Variants in PRKACB observed in about 807,000 individuals in gnomAD.
PRKACB encodes the protein protein kinase cAMP-activated catalytic subunit beta.
PRKACB carries 16 observed loss-of-function variants against 51.4 expected under a neutral mutation model. The ratio of observed to expected loss-of-function variants is 0.31; its 90% CI spans 0.21 to 0.47. The LOEUF (loss-of-function observed/expected upper bound fraction) is 0.47, where lower values mean the gene tolerates loss of function less well. Among genes scored for constraint, PRKACB ranks in the 20% least tolerant of loss-of-function variants. PRKACB has a pLI of 1.00. For synonymous variants in PRKACB, 147 were observed against 154.4 expected (o/e 0.95, Z 0.35); for missense variants, 309 against 464.5 (o/e 0.67, Z 3.08).
chr1:84,190,257 A>C (rs559652966), intron 5 of PRKACB, among the ~76,000 whole-genome samples: 3 of 152,018 alleles, frequency 2.0e-5, no homozygotes, highest in Admixed American at 6.6e-5. Flanking sequence ...TATGGCCCAG[A>C]CATCTAATAA....
rs113592662 is a variant in PRKACB at position 84,107,000 on chromosome 1, C to CA, written c.46+28632dup. 1.9e-3 allele frequency among the ~76,000 whole-genome samples: 283 copies of CA among 152,016 alleles called. 1 individual carries two copies. Among genetic ancestry groups the CA allele is most frequent in the African/African-American group, 6.5e-3 (270 of 41,508 alleles). ...CAGAAGAGAAAGATAAAAAGGAAAA[C>CA]AAATGAACAAACAAAAAAACCAAAC... On this transcript the variant is annotated intron_variant, in intron 1 of 8. Coordinates refer to the PRKACB transcript ENST00000370688.
At chr1:84,104,471 T>C (rs1186630798) in intron 1 of PRKACB, among the ~76,000 whole-genome samples, 2 of 152,176 alleles carry the variant, frequency 1.3e-5, no homozygotes, top group African/African-American at 4.8e-5. Flanking sequence ...TTCAATATAC[T>C]GATTTCCTTC....
In PRKACB at chr1:84,214,206, G is replaced by A. The variant is rs549575163; in HGVS notation, c.960G>A (p.Leu320=). The A allele has an allele frequency of 9.9e-6, 16 of 1,613,364 alleles. No individual in the cohort carries two copies. Among genetic ancestry groups the A allele is most frequent in the African/African-American group, 9.3e-5 (7 of 74,996 alleles). ...ATCTCAAGGACCTTCTACGGAACCT[G>A]CTGCAGGTGGATTTGACCAAGAGAT... ...SSDLKDLLRN[L]LQVDLTKRFG... Residue 320 remains leucine, a synonymous_variant, in exon 9 of 10, where the codon CTG becomes CTA. Transcript: ENST00000370685.
chr1:84,135,485 C>T (rs1237018983), intron 1 of PRKACB, among the ~76,000 whole-genome samples: 1 of 152,016 alleles, frequency 6.6e-6, no homozygotes, highest in African/African-American at 2.4e-5. Context: ...ACATTTTTTT[C>T]TTCAGCTTAT....
intron 1 of PRKACB, among the ~76,000 whole-genome samples, chr1:84,083,295 T>C (rs933968012): frequency 2.0e-5 from 3 of 152,238 alleles, no homozygotes; most frequent in African/African-American, 7.2e-5. Flanking sequence ...ATTTTGATGA[T>C]AAATACATAT....
At chr1:84,127,355 C>T (rs1405695611) in intron 1 of PRKACB, among the ~76,000 whole-genome samples, 2 of 152,048 alleles carry the variant, frequency 1.3e-5, no homozygotes, top group South Asian at 4.2e-4. Flanking sequence ...ATTACCTATA[C>T]GACATTGAGC....
chr1:84,136,577 G>T (rs1193624979), intron 1 of PRKACB, among the ~76,000 whole-genome samples: 1 of 151,464 alleles, frequency 6.6e-6, no homozygotes, highest in African/African-American at 2.4e-5. Flanking sequence ...CTTTTTCGTT[G>T]CTGGTGGTAA....
intron 1 of PRKACB, among the ~76,000 whole-genome samples, chr1:84,097,891 G>A (rs964951380): frequency 6.6e-6 from 1 of 152,024 alleles, no homozygotes; most frequent in East Asian, 1.9e-4. Flanking sequence ...CATTATTAAG[G>A]TCGGTCTTCT....
chr1:84,086,259 T>A, intron 1 of PRKACB: 1 of 1,476,876 alleles, frequency 6.8e-7, no homozygotes, highest in Non-Finnish European at 9.4e-7. Flanking sequence ...CCTGGTTCCC[T>A]TGCCCCCATG....
At chr1:84,161,453 T>C (rs1035296667) in intron 1 of PRKACB, among the ~76,000 whole-genome samples, 7 of 151,954 alleles carry the variant, frequency 4.6e-5, no homozygotes, top group African/African-American at 1.7e-4. Context: ...CTTCCATTCA[T>C]AGTTAATGTC....
intron 1 of PRKACB, among the ~76,000 whole-genome samples, chr1:84,151,817 A>T (rs2100645332): frequency 6.6e-6 from 1 of 152,288 alleles, no homozygotes; most frequent in African/African-American, 2.4e-5. Flanking sequence ...ATCTGCAGTG[A>T]CTTTCTCCAC....
At chr1:84,113,415 C>G in intron 1 of PRKACB, among the ~76,000 whole-genome samples, 1 of 152,088 alleles carries the variant, frequency 6.6e-6, no homozygotes, top group East Asian at 1.9e-4. Flanking sequence ...TCAGACATTG[C>G]TGGTGGAAAT....
chr1:84,173,628 G>T (rs751002874), intron 1 of PRKACB, among the ~76,000 whole-genome samples: 40 of 151,846 alleles, frequency 2.6e-4, no homozygotes, highest in Non-Finnish European at 5.2e-4. Flanking sequence ...TTTTTCTGCT[G>T]TTATTTAATG....
At chr1:84,082,004 A>G (rs1357879498) in intron 1 of PRKACB, among the ~76,000 whole-genome samples, 1 of 152,222 alleles carries the variant, frequency 6.6e-6, no homozygotes, top group Non-Finnish European at 1.5e-5. Flanking sequence ...AAGTTTCTTA[A>G]CAACTAACAT....
chr1:84,112,731 G>A lies in PRKACB; in HGVS notation c.46+34360G>A, dbSNP rs113235185. ...TCCTAAAGGGGACTCTAATTCACATGTCCTCCCAAGAAAGGCAGGTAGCAA... is the reference window on the plus strand; with the variant it reads ...TCCTAAAGGGGACTCTAATTCACATATCCTCCCAAGAAAGGCAGGTAGCAA... On this transcript the variant is annotated intron_variant, in intron 1 of 8. Transcript: ENST00000370688. Among the ~76,000 whole-genome samples, 636 of 152,204 alleles carry A rather than the reference G, an allele frequency of 4.2e-3. 4 individuals are homozygous for A. The highest frequency in any genetic ancestry group is 0.014 in the African/African-American group (602 of 41,546).
At chr1:84,159,157 T>A (rs937728895) in intron 1 of PRKACB, among the ~76,000 whole-genome samples, 1 of 152,096 alleles carries the variant, frequency 6.6e-6, no homozygotes, top group East Asian at 1.9e-4. Flanking sequence ...TGGATCAATT[T>A]GTCAGTTTCT....
At chr1:84,200,095 C>T (rs531896172) in intron 7 of PRKACB, among the ~76,000 whole-genome samples, 268 of 152,172 alleles carry the variant, frequency 1.8e-3, no homozygotes, top group African/African-American at 6.4e-3. Context: ...GGTGCACCCT[C>T]CTTGGCCTCT....
At chr1:84,121,151 C>T (rs143300708) in intron 1 of PRKACB, among the ~76,000 whole-genome samples, 269 of 151,960 alleles carry the variant, frequency 1.8e-3, no homozygotes, top group African/African-American at 6.2e-3. Context: ...AAACAACATG[C>T]CTATTCATTA....
intron 1 of PRKACB, among the ~76,000 whole-genome samples, chr1:84,089,041 C>CT (rs1042564137): frequency 5.2e-4 from 79 of 152,258 alleles, no homozygotes; most frequent in African/African-American, 1.8e-3. Flanking sequence ...AATTGTAGCA[C>CT]TTGTACTACA....
Sources: allele counts gnomAD v4.1 joint callset (sites outside exome capture counted in the v4.1 genomes callset), GRCh38; gene constraint gnomAD v4.1.1; transcripts MANE v1.5; gene names NCBI Gene and HGNC (gene_info 2026-07-23, HGNC 2026-07-21).